Variants in MYOZ3 observed in about 807,000 individuals in gnomAD.
The protein encoded by MYOZ3 is myozenin 3.
In MYOZ3, 19 loss-of-function variants were observed where a neutral mutation model predicts 26.5. The observed-to-expected ratio is 0.72, with a 90% confidence interval of 0.50 to 1.05. The LOEUF is 1.05. MYOZ3 is among the 50% of genes least tolerant of loss of function. MYOZ3 has a pLI of 0.00. For missense variants in MYOZ3, 322 were observed against 337.1 expected (o/e 0.96, Z 0.35); for synonymous variants, 135 against 138.8 (o/e 0.97, Z 0.19).
At chr5:150,676,563 A>G in intron 6 of MYOZ3, 144 bp from the exon 7 acceptor site, 2 of 572,704 alleles carry the variant, frequency 3.5e-6, no homozygotes, top group East Asian at 3.2e-5. Context: ...AAAAAAAAAA[A>G]GATGTACAGA....
chr5:150,663,062 G>A, intron 2 of MYOZ3, 60 bp downstream of exon 2: 1 of 1,448,882 alleles, frequency 6.9e-7, no homozygotes, highest in Non-Finnish European at 9.5e-7. Flanking sequence ...CTCCCAGGCT[G>A]CACTCACTCT....
chr5:150,666,630 AAT>A (rs1554113785), intron 2 of MYOZ3, among the ~76,000 whole-genome samples: 2,375 of 122,932 alleles, frequency 0.019, 75 homozygotes, highest in African/African-American at 0.056. Context: ...AAAAAAAAAA[AAT>A]ATATATATAT....
Position 150,677,680 on chromosome 5 carries a change from T to G in MYOZ3, c.*805T>G, listed in dbSNP as rs1353481937. On this transcript the variant is annotated 3_prime_UTR_variant, in exon 7 of 7. Coordinates refer to ENST00000517768, the MANE Select transcript of MYOZ3 (RefSeq NM_001122853.3). ...CATGCTCTAAACAGTTCCTAAGCGC[T>G]GACTGTGCGCTAGACACTGCCAGGC... 6.6e-6 allele frequency: 1 copy of G among 152,260 alleles called. No individual in the cohort carries two copies. Among genetic ancestry groups the G allele is most frequent in the East Asian group, 1.9e-4 (1 of 5,274 alleles). The allele number at this position is 152,260 out of a possible 1,614,324, so 9.4% of individuals were successfully genotyped here.
intron 3 of MYOZ3, 27 bp downstream of exon 3, chr5:150,670,665 G>C: frequency 6.3e-7 from 1 of 1,584,522 alleles, no homozygotes; most frequent in Non-Finnish European, 8.6e-7. Flanking sequence ...TGTGCTCATG[G>C]GGAAAATGAG....
Position 150,676,919 on chromosome 5 carries a change from A to G in MYOZ3, c.*44A>G. 1 of 1,571,394 alleles carries G rather than the reference A, an allele frequency of 6.4e-7. No individual in the cohort carries two copies. The highest frequency in any genetic ancestry group is 8.6e-7 in the Non-Finnish European group (1 of 1,158,870). On this transcript the variant is annotated 3_prime_UTR_variant, in exon 7 of 7. Transcript: ENST00000517768. Reference sequence around the variant, plus strand: ...GTTCCCCAGTCTCGGGGGCCTGGTAACATCCGGAGCCAAGACTTGTGGACA... The same window carrying G: ...GTTCCCCAGTCTCGGGGGCCTGGTAGCATCCGGAGCCAAGACTTGTGGACA...
intron 3 of MYOZ3, among the ~76,000 whole-genome samples, chr5:150,671,189 G>C (rs886783777): frequency 6.6e-6 from 1 of 152,202 alleles, no homozygotes; most frequent in Non-Finnish European, 1.5e-5. Flanking sequence ...GCAACTGAGA[G>C]GGAGTGATGT....
rs1296823577 is a variant in MYOZ3, at chr5:150,678,792, G to A, written c.*1917G>A. ...AGTCAATGGTAGGTTTCATGCAACTGCTGCTCTAGGCTGGAAAAGTTGTTC... is the reference window on the plus strand; with the variant it reads ...AGTCAATGGTAGGTTTCATGCAACTACTGCTCTAGGCTGGAAAAGTTGTTC... On this transcript the variant is annotated 3_prime_UTR_variant, in exon 7 of 7. Coordinates refer to ENST00000517768, the MANE Select transcript of MYOZ3 (RefSeq NM_001122853.3). The A allele has an allele frequency of 1.3e-5, 2 of 152,360 alleles. No homozygotes were observed. The highest frequency in any genetic ancestry group is 1.9e-4 in the East Asian group (1 of 5,288). The allele number at this position is 152,360 out of a possible 1,614,324, so 9.4% of individuals were successfully genotyped here.
chr5:150,675,616 G>A (rs374197782), intron 6 of MYOZ3, among the ~76,000 whole-genome samples: 2 of 152,256 alleles, frequency 1.3e-5, no homozygotes, highest in South Asian at 2.1e-4. Flanking sequence ...CAGGTGATCG[G>A]CCCTCCTCGG....
intron 2 of MYOZ3, among the ~76,000 whole-genome samples, chr5:150,664,366 T>G (rs1352177143): frequency 6.6e-6 from 1 of 152,150 alleles, no homozygotes; most frequent in African/African-American, 2.4e-5. Flanking sequence ...GGGAGTTCAT[T>G]ACAGACCCCC....
chr5:150,668,971 T>A (rs536622522), intron 2 of MYOZ3: 21 of 152,346 alleles, frequency 1.4e-4, no homozygotes, highest in African/African-American at 5.1e-4. Context: ...TTCTCCAGAT[T>A]CACACATCTA....
chr5:150,673,520 T>C (rs1413193724), intron 6 of MYOZ3, among the ~76,000 whole-genome samples: 1 of 152,158 alleles, frequency 6.6e-6, no homozygotes, highest in Non-Finnish European at 1.5e-5. Context: ...TTTTGTATTT[T>C]TAGTAGAGAC....
At chr5:150,673,753 G>A (rs931984414) in intron 6 of MYOZ3, among the ~76,000 whole-genome samples, 4 of 152,234 alleles carry the variant, frequency 2.6e-5, no homozygotes, top group Non-Finnish European at 5.9e-5. Flanking sequence ...AATCAAGACA[G>A]GAGCTTGGCA....
At position 150,670,552 on chromosome 5, in the gene MYOZ3, C is replaced by T. The variant is rs140992947; in HGVS notation, c.130C>T (p.Arg44Cys). 63 of 1,613,090 alleles carry T rather than the reference C, an allele frequency of 3.9e-5. No individual in the cohort carries two copies. The highest frequency in any genetic ancestry group is 4.8e-5 in the Non-Finnish European group (57 of 1,179,638). The change falls in exon 3 of 7, where the codon CGC (arginine) becomes TGC (cysteine). Residue 44 changes from arginine to cysteine, a missense_variant. Coordinates refer to ENST00000517768, the MANE Select transcript of MYOZ3 (RefSeq NM_001122853.3). Reference protein sequence around the residue: ...QDLMMEELSLRNNRGSLLFQK... With the variant: ...QDLMMEELSLCNNRGSLLFQK... ...CCTGATGATGGAGGAGCTGTCACTA[C>T]GCAACAACAGAGGGTCCCTCCTCTT...
intron 2 of MYOZ3, among the ~76,000 whole-genome samples, chr5:150,663,528 T>A (rs1458549033): frequency 6.6e-6 from 1 of 152,214 alleles, no homozygotes; most frequent in African/African-American, 2.4e-5. Flanking sequence ...CCCATTTGAA[T>A]ACAAAACTTT....
rs1027965332 is a variant in MYOZ3, at chr5:150,679,301, T to C, written c.*2426T>C. ...CTTCTTCTGAGAATGTGACTTTTTC[T>C]GGTGTTGTAAAAAAGAAAAAAAAAA... On this transcript the variant is annotated 3_prime_UTR_variant, in exon 7 of 7. Transcript: ENST00000517768. 3 of 151,908 alleles carry C rather than the reference T, an allele frequency of 2.0e-5. No homozygotes were observed. The highest frequency in any genetic ancestry group is 4.9e-5 in the African/African-American group (2 of 41,208). The allele number at this position is 151,908 out of a possible 1,614,324, so 9.4% of individuals were successfully genotyped here.
intron 5 of MYOZ3, 168 bp downstream of exon 5, chr5:150,672,076 C>T: frequency 8.5e-7 from 1 of 1,170,426 alleles, no homozygotes; most frequent in Non-Finnish European, 1.2e-6. Context: ...GGGCGCCGCG[C>T]CCCAGGTCAC....
At chr5:150,665,277 CG>C (rs1561668362) in intron 2 of MYOZ3, among the ~76,000 whole-genome samples, 1 of 152,108 alleles carries the variant, frequency 6.6e-6, no homozygotes, top group Non-Finnish European at 1.5e-5. Flanking sequence ...GTGGGCTCAG[CG>C]GCTGTCCAGT....
chr5:150,671,511 C>G lies in MYOZ3; in HGVS notation c.217-86C>G, dbSNP rs548811586. ...TGGGCGTTAGGATTCTTGCCTCCCC[C>G]CGACCTTTTTTTTTGGTGGAGGGAG... On this transcript the variant is annotated intron_variant, in intron 3 of 6. Coordinates refer to ENST00000517768, the MANE Select transcript of MYOZ3 (RefSeq NM_001122853.3). 4.1e-4 allele frequency: 603 copies of G among 1,456,694 alleles called. 8 individuals carry two copies. In the South Asian group the frequency reaches 7.0e-3, roughly 17 times the overall value. 90.2% of individuals were successfully genotyped at this position (1,456,694 alleles called of 1,614,324 possible).
At chr5:150,672,608 CTG>C in intron 6 of MYOZ3, 106 bp downstream of exon 6, 2 of 1,325,608 alleles carry the variant, frequency 1.5e-6, no homozygotes, top group Non-Finnish European at 2.0e-6. Flanking sequence ...AGGCCAGGCT[CTG>C]TCCCCAGCGC....
Sources: allele counts gnomAD v4.1 joint callset (sites outside exome capture counted in the v4.1 genomes callset), GRCh38; gene constraint gnomAD v4.1.1; transcripts MANE v1.5; gene names NCBI Gene and HGNC (gene_info 2026-07-23, HGNC 2026-07-21).